The following OSBP2 variants were observed in gnomAD, a reference collection of about 807,000 sequenced individuals.
OSBP2 encodes oxysterol binding protein 2, also known as oxysterol-binding protein 2.
Under a neutral mutation model 96.0 loss-of-function variants are expected in OSBP2, and 66 were observed. That is an observed-to-expected ratio of 0.69 (90% CI 0.56 to 0.84). The LOEUF is 0.84. OSBP2 is among the 40% of genes least tolerant of loss of function. OSBP2 has a pLI of 0.00. For missense variants in OSBP2, 1,038 were observed against 1,222.7 expected (o/e 0.85, Z 2.25); for synonymous variants, 525 against 520.9 (o/e 1.01, Z -0.11).
chr22:30,893,592 T>TGCATGG, intron 10 of OSBP2, 26 bp downstream of exon 10: 1 of 1,612,812 alleles, frequency 6.2e-7, no homozygotes, highest in Admixed American at 1.7e-5. Context: ...GGGGAGGGGG[T>TGCATGG]GCATGGCCCG....
At chr22:30,798,314 T>A (rs1400588332) in intron 2 of OSBP2, among the ~76,000 whole-genome samples, 2 of 152,244 alleles carry the variant, frequency 1.3e-5, no homozygotes, top group Non-Finnish European at 2.9e-5. Flanking sequence ...GAGTTCTGTA[T>A]TCTGTATATT....
chr22:30,834,226 C>A (rs2147012094), intron 2 of OSBP2, among the ~76,000 whole-genome samples: 1 of 152,264 alleles, frequency 6.6e-6, no homozygotes, highest in African/African-American at 2.4e-5. Flanking sequence ...GAATATAGAA[C>A]ATCCACTCAT....
At position 30,778,482 on chromosome 22, in the gene OSBP2, G is replaced by A. The variant is rs530722064; in HGVS notation, c.853+37113G>A. On this transcript the variant is annotated intron_variant, in intron 2 of 13. Coordinates refer to ENST00000332585, the MANE Select transcript of OSBP2 (RefSeq NM_030758.4). ...CTGGCCCCAGTTTTCTTATCCTGCC[G>A]TCCAGTGGTTGGACACTTGAGCAGC... Among the ~76,000 whole-genome samples the A allele has an allele frequency of 2.1e-3, 322 of 152,076 alleles. 6 individuals are homozygous for A. The highest frequency in any genetic ancestry group is 0.013 in the Admixed American group (198 of 15,262).
chr22:30,763,459 C>A (rs183557451), intron 2 of OSBP2, among the ~76,000 whole-genome samples: 1 of 152,260 alleles, frequency 6.6e-6, no homozygotes, highest in Non-Finnish European at 1.5e-5. Flanking sequence ...CCAGCCTGGC[C>A]AACATGGTGA....
chr22:30,851,022 G>C (rs1042190333), intron 2 of OSBP2, among the ~76,000 whole-genome samples: 1 of 151,920 alleles, frequency 6.6e-6, no homozygotes, highest in African/African-American at 2.4e-5. Flanking sequence ...AAACTTATTT[G>C]TATTTACTGT....
chr22:30,766,390 G>C (rs1268235482), intron 2 of OSBP2, among the ~76,000 whole-genome samples: 1 of 152,184 alleles, frequency 6.6e-6, no homozygotes, highest in Admixed American at 6.5e-5. Flanking sequence ...CCCTGGCTAT[G>C]ACTTTAGGCT....
At chr22:30,791,669 T>A (rs2090678146) in intron 2 of OSBP2, among the ~76,000 whole-genome samples, 1 of 152,180 alleles carries the variant, frequency 6.6e-6, no homozygotes, top group Non-Finnish European at 1.5e-5. Flanking sequence ...GTCTCTTTAA[T>A]GTATCCGTGC....
At chr22:30,811,676 T>G (rs1327605374) in intron 2 of OSBP2, among the ~76,000 whole-genome samples, 2 of 151,942 alleles carry the variant, frequency 1.3e-5, no homozygotes, top group Non-Finnish European at 2.9e-5. Context: ...TGCCTCAGCC[T>G]CCCAAGTAGC....
intron 2 of OSBP2, chr22:30,822,587 G>A (rs1341083648): frequency 6.6e-7 from 1 of 1,520,828 alleles, no homozygotes; most frequent in African/African-American, 1.4e-5. Context: ...GGGACCCGGC[G>A]CCATGTAGCG....
At chr22:30,797,091 A>G (rs940149582) in intron 2 of OSBP2, among the ~76,000 whole-genome samples, 1 of 152,156 alleles carries the variant, frequency 6.6e-6, no homozygotes, top group Non-Finnish European at 1.5e-5. Flanking sequence ...AAGTGGAATC[A>G]TATGGTATTT....
intron 1 of OSBP2, among the ~76,000 whole-genome samples, chr22:30,739,679 G>T (rs541010958): frequency 6.6e-6 from 1 of 152,112 alleles, no homozygotes; most frequent in Non-Finnish European, 1.5e-5. Context: ...GGTTCACCTT[G>T]CCTGCTGCCT....
At position 30,796,493 on chromosome 22, in the gene OSBP2, T is replaced by A. The variant is rs373477387; in HGVS notation, c.853+55124T>A. Among the ~76,000 whole-genome samples, 18 of 152,206 alleles carry A rather than the reference T, an allele frequency of 1.2e-4. No homozygotes were observed. The East Asian group carries it at 2.9e-3, about 24-fold the overall frequency. ...TTAGATAAGAACCATTGGGTTTAAT[T>A]TTTTTTAATTATTTATTTATTTATT... On this transcript the variant is annotated intron_variant, in intron 2 of 13. Coordinates refer to ENST00000332585, the MANE Select transcript of OSBP2 (RefSeq NM_030758.4).
upstream of OSBP2, chr22:30,694,863 C>T (rs1009935590): frequency 3.2e-6 from 3 of 929,850 alleles, no homozygotes; most frequent in East Asian, 7.5e-5. Context: ...CCCGGCCTGC[C>T]CCCCGCCCCC....
chr22:30,752,584 C>T (rs79403194), intron 2 of OSBP2, among the ~76,000 whole-genome samples: 6 of 152,072 alleles, frequency 3.9e-5, no homozygotes, highest in South Asian at 4.2e-4. Context: ...GCCACCGCGC[C>T]GGGCCCAGGG....
intron 1 of OSBP2, among the ~76,000 whole-genome samples, chr22:30,696,308 G>C (rs370133018): frequency 6.6e-6 from 1 of 152,128 alleles, no homozygotes; most frequent in Non-Finnish European, 1.5e-5. Flanking sequence ...CTGCTTCCTG[G>C]GGATGGTTGG....
chr22:30,902,426 C>T, intron 12 of OSBP2: 1 of 1,581,468 alleles, frequency 6.3e-7, no homozygotes, highest in Non-Finnish European at 8.7e-7. Context: ...GGCAATCAGT[C>T]ACTTCATGTG....
chr22:30,795,676 C>T (rs142434630), intron 2 of OSBP2, among the ~76,000 whole-genome samples: 2,360 of 152,048 alleles, frequency 0.016, 56 homozygotes, highest in African/African-American at 0.052. Flanking sequence ...TGCGCCACCA[C>T]GCCCAGCTAA....
intron 2 of OSBP2, among the ~76,000 whole-genome samples, chr22:30,844,166 C>T (rs1000779952): frequency 3.9e-5 from 6 of 152,128 alleles, no homozygotes; most frequent in African/African-American, 7.2e-5. Flanking sequence ...TGAGCCACCG[C>T]GCCTGGCCAA....
chr22:30,890,756 TCCAGC>T lies in OSBP2; in HGVS notation c.1653_1657del (p.Gln552AlafsTer69). On this transcript the variant is annotated frameshift_variant, in exon 8 of 14. Coordinates refer to ENST00000332585, the MANE Select transcript of OSBP2 (RefSeq NM_030758.4). LOFTEE classifies it high-confidence loss of function. The surrounding 1 kb of genome is among the most constrained non-coding windows in gnomAD (Gnocchi z 4.4). The stretch of plus-strand genomic sequence containing the variant: ...AACTTCAATGAGCCCCTGTCCATGC[TCCAGC>T]GGCTGACAGAGGACCTGGAGTACCA... The T allele has an allele frequency of 6.2e-7, 1 of 1,613,086 alleles. No individual in the cohort carries two copies. The highest frequency in any genetic ancestry group is 8.5e-7 in the Non-Finnish European group (1 of 1,179,952).
Sources: gnomAD v4.1 joint callset for allele counts (sites outside exome capture counted in the v4.1 genomes callset) on GRCh38, gnomAD v4.1.1 for gene constraint, Gnocchi (gnomAD v3.1) non-coding constraint, MANE v1.5 for transcripts, NCBI Gene and HGNC (gene_info 2026-07-23, HGNC 2026-07-21) for gene names.